P4HA1: variants seen among roughly 807,000 people sequenced by gnomAD.
P4HA1 encodes the protein prolyl 4-hydroxylase subunit alpha 1, also known as prolyl 4-hydroxylase subunit alpha-1.
In P4HA1, 24 loss-of-function variants were observed where a neutral mutation model predicts 72.8. That is an observed-to-expected ratio of 0.33 (90% CI 0.24 to 0.46). The LOEUF (loss-of-function observed/expected upper bound fraction) is 0.46, where lower values mean the gene tolerates loss of function less well. Among genes scored for constraint, P4HA1 ranks in the 20% least tolerant of loss-of-function variants. P4HA1 has a pLI of 1.00. For synonymous variants in P4HA1, 201 were observed against 218.8 expected (o/e 0.92, Z 0.72); for missense variants, 446 against 640.6 (o/e 0.70, Z 3.28).
Position 73,016,065 on chromosome 10 carries a change from C to A in P4HA1, c.1302+781G>T, listed in dbSNP as rs572608818. Among the ~76,000 whole-genome samples, 11 of 152,284 alleles carry A rather than the reference C, an allele frequency of 7.2e-5. No individual in the cohort carries two copies. In the South Asian group the frequency reaches 1.5e-3, roughly 20 times the overall value. ...TTCTCAAGTAGGCCCTGACTTTGGGCTTCTGGTATTTACCTCTGCATTGTC... is the reference window on the plus strand; with the variant it reads ...TTCTCAAGTAGGCCCTGACTTTGGGATTCTGGTATTTACCTCTGCATTGTC... On this transcript the variant is annotated intron_variant, in intron 11 of 14. Coordinates refer to ENST00000394890, the MANE Select transcript of P4HA1 (RefSeq NM_001017962.3).
chr10:73,057,784 A>AC (rs1165698950), intron 5 of P4HA1, among the ~76,000 whole-genome samples: 2 of 152,070 alleles, frequency 1.3e-5, no homozygotes, highest in African/African-American at 4.8e-5. Context: ...AAAATGGTAT[A>AC]CATAAATGCC....
intron 3 of P4HA1, among the ~76,000 whole-genome samples, chr10:73,072,494 C>CA (rs1841587620): frequency 1.3e-5 from 2 of 152,112 alleles, no homozygotes; most frequent in South Asian, 4.1e-4. Context: ...ACTTAGGTCC[C>CA]AGGGCCAAAT....
intron 1 of P4HA1, among the ~76,000 whole-genome samples, chr10:73,076,985 C>G (rs12571459): frequency 6.6e-6 from 1 of 152,110 alleles, no homozygotes; most frequent in South Asian, 2.1e-4. Flanking sequence ...GAAGTACTCC[C>G]TAGTCTCCTC....
intron 9 of P4HA1, among the ~76,000 whole-genome samples, chr10:73,039,315 GGTTT>G (rs368254010): frequency 1.1e-4 from 17 of 151,914 alleles, no homozygotes; most frequent in East Asian, 1.9e-4. Context: ...TTGTTTTATG[GGTTT>G]GTTTGTTTTT....
At chr10:73,095,568 C>T (rs1457481792) in intron 1 of P4HA1, among the ~76,000 whole-genome samples, 4 of 151,612 alleles carry the variant, frequency 2.6e-5, no homozygotes, top group African/African-American at 4.8e-5. Context: ...AAGAACGCTG[C>T]TGCCACGTCT....
At chr10:73,082,526 A>C (rs1841847255) in intron 1 of P4HA1, 1 of 152,206 alleles carries the variant, frequency 6.6e-6, no homozygotes, top group Non-Finnish European at 1.5e-5. Context: ...ATGGGAGTGC[A>C]GAAAAAACAA....
At chr10:73,016,942 A>T (rs756427100) in intron 10 of P4HA1, 43 bp from the exon 11 acceptor site, 2 of 1,498,088 alleles carry the variant, frequency 1.3e-6, no homozygotes, top group Admixed American at 3.6e-5. Context: ...AACTATAAAG[A>T]TTACTATTCA....
intron 1 of P4HA1, among the ~76,000 whole-genome samples, chr10:73,095,386 A>G (rs915317830): frequency 1.3e-5 from 2 of 152,050 alleles, no homozygotes; most frequent in African/African-American, 4.8e-5. Context: ...ATCCCTTTAA[A>G]ATGTTTTTTA....
intron 7 of P4HA1, among the ~76,000 whole-genome samples, chr10:73,049,219 G>C (rs1356565550): frequency 6.6e-6 from 1 of 152,122 alleles, no homozygotes. Context: ...CCTATCTATT[G>C]AAAGTGTCAC....
chr10:73,010,872 A>G lies in P4HA1; in HGVS notation c.1437+97T>C. 8.0e-6 allele frequency: 7 copies of G among 875,780 alleles called. No individual in the cohort carries two copies. The South Asian group carries it at 1.1e-4, about 14-fold the overall frequency. The allele number at this position is 875,780 out of a possible 1,614,324, so 54.3% of individuals were successfully genotyped here. The stretch of plus-strand genomic sequence containing the variant: ...GAACAGGTCTCAAAAAATGAAAAAG[A>G]AAAAAAAATGTAATTCATTAATTAG... On this transcript the variant is annotated intron_variant, in intron 13 of 14. Transcript: ENST00000394890.
In P4HA1 at chr10:73,051,321, A is replaced by G. The variant is rs116800420; in HGVS notation, c.704-72T>C. 1.8e-3 allele frequency: 1,442 copies of G among 785,100 alleles called. 23 individuals are homozygous for G. The African/African-American group carries it at 0.022, about 12-fold the overall frequency. 48.6% of individuals were successfully genotyped at this position (785,100 alleles called of 1,614,324 possible). On this transcript the variant is annotated intron_variant, in intron 6 of 14. Transcript: ENST00000394890. ...TTCAAGCATCAGAATATAGTAATAT[A>G]AAAATAGGAGACATTATAATTTATC... is the stretch of plus-strand genomic sequence containing the variant.
intron 4 of P4HA1, among the ~76,000 whole-genome samples, chr10:73,069,971 G>A (rs1841514341): frequency 1.3e-5 from 2 of 151,362 alleles, no homozygotes; most frequent in Admixed American, 1.3e-4. Context: ...CACCACACCT[G>A]GCTAATTTTT....
rs759293943 is a variant in P4HA1 at position 73,032,750 on chromosome 10, CACAG to C, written c.1149-2384_1149-2381del. On this transcript the variant is annotated intron_variant, in intron 9 of 14. Coordinates refer to ENST00000394890, the MANE Select transcript of P4HA1 (RefSeq NM_001017962.3). ...CGCTGCCAGACGAAGCCAAAGCTTC[CACAG>C]ACAGACAAAGGAAGCGAGCAAGCGT... is the stretch of plus-strand genomic sequence containing the variant. Among the ~76,000 whole-genome samples the C allele has an allele frequency of 5.9e-5, 9 of 152,140 alleles. No individual in the cohort carries two copies. The East Asian group carries it at 9.6e-4, about 16-fold the overall frequency.
At chr10:73,087,928 T>C (rs999127388) in intron 1 of P4HA1, among the ~76,000 whole-genome samples, 4 of 150,702 alleles carry the variant, frequency 2.7e-5, no homozygotes, top group Admixed American at 6.5e-5. Context: ...GTCTAATTTA[T>C]CAGTTTGTTC....
chr10:73,092,214 C>G (rs925524786), intron 1 of P4HA1, among the ~76,000 whole-genome samples: 17 of 151,938 alleles, frequency 1.1e-4, no homozygotes, highest in Non-Finnish European at 1.9e-4. Flanking sequence ...GATTTAATAT[C>G]TAGTAAAATG....
chr10:73,068,838 G>T lies in P4HA1; in HGVS notation c.463+8C>A. The T allele has an allele frequency of 3.7e-6, 6 of 1,608,656 alleles. No homozygotes were observed. Among genetic ancestry groups the T allele is most frequent in the Non-Finnish European group, 4.3e-6 (5 of 1,175,322 alleles). On this transcript the variant is annotated splice_region_variant and intron_variant, in intron 5 of 14. Coordinates refer to ENST00000394890, the MANE Select transcript of P4HA1 (RefSeq NM_001017962.3). ...TAGGTATTTTATAGAATGGAAGAAT[G>T]ATCTTACCTGGAAGATTACCCTTTG...
intron 12 of P4HA1, among the ~76,000 whole-genome samples, chr10:73,013,010 G>T (rs1170599210): frequency 6.6e-6 from 1 of 152,104 alleles, no homozygotes; most frequent in Admixed American, 6.6e-5. Context: ...TGGCCAGGCT[G>T]GTCTCGAACT....
intron 5 of P4HA1, chr10:73,065,083 C>G (rs557011944): frequency 6.6e-6 from 1 of 152,250 alleles, no homozygotes; most frequent in Non-Finnish European, 1.5e-5. Context: ...TCTGGAGAAT[C>G]TACTGTTTGC....
At chr10:73,009,666 G>A (rs1839869720) in intron 14 of P4HA1, 141 bp downstream of exon 14, 1 of 491,254 alleles carries the variant, frequency 2.0e-6, no homozygotes, top group African/African-American at 1.9e-5. Flanking sequence ...ATTATGATTA[G>A]GCACTTGTTT....
Sources: allele counts gnomAD v4.1 joint callset (sites outside exome capture counted in the v4.1 genomes callset), GRCh38; gene constraint gnomAD v4.1.1; transcripts MANE v1.5; gene names NCBI Gene and HGNC (gene_info 2026-07-23, HGNC 2026-07-21).